The following CDC25A variants were observed in gnomAD, a reference collection of about 807,000 sequenced individuals.
CDC25A encodes cell division cycle 25A.
Under a neutral mutation model 64.6 loss-of-function variants are expected in CDC25A, and 17 were observed. The ratio of observed to expected loss-of-function variants is 0.26; its 90% CI spans 0.18 to 0.39. The LOEUF is 0.39. CDC25A is among the 10% of genes least tolerant of loss of function. The pLI is 1.00. For synonymous variants in CDC25A, 229 were observed against 238.6 expected (o/e 0.96, Z 0.37); for missense variants, 473 against 654.8 (o/e 0.72, Z 3.03).
rs1277881441 is a variant in CDC25A, at chr3:48,186,299, G to GTGGC, written c.247+400_247+403dup. On this transcript the variant is annotated intron_variant, in intron 2 of 14. Coordinates refer to ENST00000302506, the MANE Select transcript of CDC25A (RefSeq NM_001789.3). ...TCAATAATGTTTATCACCGGGCGCG[G>GTGGC]TGGCTCACGCTGTAATCCCAGCACT... 3.9e-5 allele frequency among the ~76,000 whole-genome samples: 6 copies of GTGGC among 152,268 alleles called. No individual in the cohort carries two copies. In the South Asian group the frequency reaches 1.2e-3, roughly 32 times the overall value.
At chr3:48,168,612 T>A (rs1308430600) in intron 9 of CDC25A, among the ~76,000 whole-genome samples, 1 of 149,986 alleles carries the variant, frequency 6.7e-6, no homozygotes, top group Non-Finnish European at 1.5e-5. Context: ...AGAAAAAGTA[T>A]GTCTTAACTT....
chr3:48,163,350 A>G (rs1434075420), intron 13 of CDC25A, among the ~76,000 whole-genome samples: 2 of 152,092 alleles, frequency 1.3e-5, no homozygotes, highest in East Asian at 3.9e-4. Flanking sequence ...CACGCCTGTA[A>G]TCCCACTACT....
Position 48,182,971 on chromosome 3 carries a change from A to G in CDC25A, c.387T>C (p.His129=), listed in dbSNP as rs757589120. The G allele has an allele frequency of 6.8e-6, 11 of 1,613,788 alleles. No homozygotes were observed. Among genetic ancestry groups the G allele is most frequent in the African/African-American group, 1.3e-5 (1 of 75,054 alleles). The part of the protein sequence containing the change: ...LKRSHSDSLD[H]DIFQLIDPDE... ...CTGGGTCGATGAGCTGAAAGATGTC[A>G]TGGTCAAGAGAATCAGAATGGCTCC... The change falls in exon 5 of 15, where the codon CAT becomes CAC. Residue 129 remains histidine (H), a synonymous_variant. Coordinates refer to ENST00000302506, the MANE Select transcript of CDC25A (RefSeq NM_001789.3).
At chr3:48,185,461 C>T (rs184681847) in intron 2 of CDC25A, among the ~76,000 whole-genome samples, 73 of 150,636 alleles carry the variant, frequency 4.8e-4, no homozygotes, top group African/African-American at 1.4e-3. Context: ...CAGTAGCTCA[C>T]CCCTGTAATC....
chr3:48,173,402 T>C (rs953107868), intron 9 of CDC25A, among the ~76,000 whole-genome samples: 1 of 151,702 alleles, frequency 6.6e-6, no homozygotes, highest in Non-Finnish European at 1.5e-5. Flanking sequence ...AATAAGAAAA[T>C]TAAAAACGAA....
Position 48,187,727 on chromosome 3 carries a change from G to A in CDC25A, c.170+51C>T, listed in dbSNP as rs369503036. 525 of 1,500,964 alleles carry A rather than the reference G, an allele frequency of 3.5e-4. 3 individuals carry two copies. The African/African-American group carries it at 6.6e-3, about 19-fold the overall frequency. The allele number at this position is 1,500,964 out of a possible 1,614,324, so 93.0% of individuals were successfully genotyped here. A position where few individuals can be genotyped will look rare whatever the true frequency, so the allele number is the denominator to read the frequency against. Reference sequence around the variant, plus strand: ...CGTTTCCTGGCCTGATCTCTCCGAGGCCGACACCGAGGCCAGGGGCCCGGA... The same window carrying A: ...CGTTTCCTGGCCTGATCTCTCCGAGACCGACACCGAGGCCAGGGGCCCGGA... On this transcript the variant is annotated intron_variant, in intron 1 of 14. Coordinates refer to ENST00000302506, the MANE Select transcript of CDC25A (RefSeq NM_001789.3).
intron 13 of CDC25A, among the ~76,000 whole-genome samples, chr3:48,163,340 C>G (rs1381944738): frequency 1.3e-5 from 2 of 151,314 alleles, no homozygotes; most frequent in Non-Finnish European, 2.9e-5. Flanking sequence ...TGCAGTGGCT[C>G]ACGCCTGTAA....
intron 13 of CDC25A, among the ~76,000 whole-genome samples, chr3:48,163,139 CG>C (rs2031852654): frequency 6.6e-6 from 1 of 151,388 alleles, no homozygotes; most frequent in Non-Finnish European, 1.5e-5. Context: ...AAAAATTAGC[CG>C]GGTGTGGTGG....
At chr3:48,175,404 G>A (rs1040592154) in intron 8 of CDC25A, among the ~76,000 whole-genome samples, 5 of 152,144 alleles carry the variant, frequency 3.3e-5, no homozygotes, top group African/African-American at 4.8e-5. Context: ...GCCTATTCTC[G>A]ACTCCATGTG....
intron 3 of CDC25A, among the ~76,000 whole-genome samples, chr3:48,184,419 AG>A (rs2032776380): frequency 1.3e-5 from 2 of 152,142 alleles, no homozygotes; most frequent in Admixed American, 1.3e-4. Context: ...CAGAGCACAG[AG>A]TAAGGGTTTG....
intron 5 of CDC25A, among the ~76,000 whole-genome samples, chr3:48,182,178 C>T (rs568100766): frequency 5.3e-5 from 8 of 152,332 alleles, no homozygotes; most frequent in African/African-American, 1.9e-4. Context: ...TCTCATGACA[C>T]TTCCCAGGTT....
At chr3:48,161,217 CA>C (rs1164055977) in intron 13 of CDC25A, 6 of 143,026 alleles carry the variant, frequency 4.2e-5, no homozygotes, top group African/African-American at 1.6e-4. Flanking sequence ...AGTGGAACAA[CA>C]GAAAGCCAGT....
chr3:48,178,039 T>A, intron 6 of CDC25A, 51 bp from the exon 7 acceptor site: 1 of 1,533,844 alleles, frequency 6.5e-7, no homozygotes, highest in South Asian at 1.2e-5. Flanking sequence ...TCCACTTTCA[T>A]TTCCTTGAAT....
At chr3:48,169,357 T>G (rs2106713416) in intron 9 of CDC25A, among the ~76,000 whole-genome samples, 1 of 152,348 alleles carries the variant, frequency 6.6e-6, no homozygotes, top group South Asian at 2.1e-4. Flanking sequence ...TTATACTTCC[T>G]GATCAAAGTA....
At chr3:48,179,051 T>G (rs2032569293) in intron 6 of CDC25A, among the ~76,000 whole-genome samples, 1 of 152,190 alleles carries the variant, frequency 6.6e-6, no homozygotes, top group African/African-American at 2.4e-5. Context: ...GAGTGGATCA[T>G]GCACCAAGGA....
intron 1 of CDC25A, 63 bp downstream of exon 1, chr3:48,187,715 G>A: frequency 1.2e-5 from 17 of 1,456,526 alleles, no homozygotes; most frequent in Non-Finnish European, 1.6e-5. Flanking sequence ...TTCCTGGCCT[G>A]ATCTCTCCGA....
chr3:48,164,495 C>T, intron 12 of CDC25A, 58 bp from the exon 13 acceptor site: 2 of 1,412,096 alleles, frequency 1.4e-6, no homozygotes, highest in Non-Finnish European at 1.9e-6. Flanking sequence ...AGTAATGATT[C>T]AGCAAGATGT....
intron 2 of CDC25A, among the ~76,000 whole-genome samples, chr3:48,185,986 C>T (rs557525447): frequency 6.6e-6 from 1 of 152,218 alleles, no homozygotes; most frequent in Non-Finnish European, 1.5e-5. Context: ...ATGGTCTTAT[C>T]TGTACAAATA....
chr3:48,159,787 C>T (rs757936425), intron 13 of CDC25A, among the ~76,000 whole-genome samples: 22 of 152,198 alleles, frequency 1.4e-4, no homozygotes, highest in Non-Finnish European at 2.9e-4. Flanking sequence ...CCAGCCTTCT[C>T]TTCAGCCAGG....
Sources: gnomAD v4.1 joint callset for allele counts (sites outside exome capture counted in the v4.1 genomes callset) on GRCh38, gnomAD v4.1.1 for gene constraint, MANE v1.5 for transcripts, NCBI Gene and HGNC (gene_info 2026-07-23, HGNC 2026-07-21) for gene names.